The following PARD3B variants were observed in gnomAD, a reference collection of about 807,000 sequenced individuals.
PARD3B encodes par-3 family cell polarity regulator beta.
PARD3B carries 103 observed loss-of-function variants against 130.2 expected under a neutral mutation model. The observed-to-expected ratio is 0.79, with a 90% CI of 0.67 to 0.93. The LOEUF (loss-of-function observed/expected upper bound fraction) is 0.93. Ranked by LOEUF, PARD3B falls within the 40% of genes least tolerant of loss-of-function variation. The probability of loss-of-function intolerance (pLI) is 0.00; values close to 1 mark genes in which losing one functional copy is unlikely to be tolerated. For synonymous variants in PARD3B, 583 were observed against 553.2 expected (o/e 1.05, Z -0.76); for missense variants, 1,609 against 1,499.2 (o/e 1.07, Z -1.21).
chr2:205,415,047 T>C (rs1461303792), intron 19 of PARD3B, among the ~76,000 whole-genome samples: 2 of 152,268 alleles, frequency 1.3e-5, no homozygotes, highest in East Asian at 3.9e-4. Flanking sequence ...AATTTGCTAG[T>C]TGGACTTTTA....
chr2:204,681,468 C>A (rs1010709805), intron 1 of PARD3B, among the ~76,000 whole-genome samples: 1 of 152,168 alleles, frequency 6.6e-6, no homozygotes, highest in Non-Finnish European at 1.5e-5. Flanking sequence ...TGTTCTTCTA[C>A]TAGGCTTTTC....
chr2:204,620,812 G>T (rs1452854321), intron 1 of PARD3B, among the ~76,000 whole-genome samples: 2 of 152,174 alleles, frequency 1.3e-5, no homozygotes, highest in Non-Finnish European at 2.9e-5. Flanking sequence ...AGAAATCTCT[G>T]TTTTGATGAT....
rs116236564 is a variant in PARD3B, at chr2:205,233,031, C to G, written c.2141-12747C>G. ...TCTGGAAACTCAAATTCATGAATCT[C>G]AAATGAACCTCTAAGTACAGACACA... is the stretch of plus-strand genomic sequence containing the variant. On this transcript the variant is annotated intron_variant, in intron 15 of 22. Coordinates refer to ENST00000406610, the MANE Select transcript of PARD3B (RefSeq NM_001302769.2). 6.4e-3 allele frequency among the ~76,000 whole-genome samples: 980 copies of G among 152,188 alleles called. 13 individuals are homozygous for G. Among genetic ancestry groups the G allele is most frequent in the African/African-American group, 0.022 (924 of 41,534 alleles).
chr2:205,079,304 G>C (rs986638326), intron 4 of PARD3B, among the ~76,000 whole-genome samples: 3 of 152,094 alleles, frequency 2.0e-5, no homozygotes, highest in Non-Finnish European at 2.9e-5. Context: ...GCTATACATA[G>C]CAAAATACCC....
At chr2:205,001,667 T>C (rs1007314064) in intron 3 of PARD3B, among the ~76,000 whole-genome samples, 1 of 152,222 alleles carries the variant, frequency 6.6e-6, no homozygotes, top group Non-Finnish European at 1.5e-5. Context: ...TGTTCACTCA[T>C]TGATCAGAAC....
chr2:205,301,409 A>G lies in PARD3B; in HGVS notation c.2393-55A>G, dbSNP rs2041991880. The G allele has an allele frequency of 1.9e-6, 3 of 1,566,552 alleles. No homozygotes were observed. Among genetic ancestry groups the G allele is most frequent in the Non-Finnish European group, 2.6e-6 (3 of 1,162,528 alleles). On this transcript the variant is annotated intron_variant, in intron 17 of 22. Transcript: ENST00000406610. This position sits in a 1 kb window ranked among gnomAD's most constrained non-coding sequence, Gnocchi z 5.2. Reference sequence around the variant, plus strand: ...ATTTTACATGTTAGCGTTTCTCTGTATACTAACTGAGTGTGCCCCTGACCA... The same window carrying G: ...ATTTTACATGTTAGCGTTTCTCTGTGTACTAACTGAGTGTGCCCCTGACCA...
rs1033213881 is a variant in PARD3B at position 205,015,087 on chromosome 2, A to G, written c.395-32494A>G. On this transcript the variant is annotated intron_variant, in intron 3 of 22. Transcript: ENST00000406610. The surrounding 1 kb of genome is among the most constrained non-coding windows in gnomAD (Gnocchi z 4.5). ...CCAAAAAACTTAACTACTAATACCT[A>G]TTGTTGACCAGAAGCCTTACCAATA... Among the ~76,000 whole-genome samples the G allele has an allele frequency of 7.2e-5, 11 of 152,126 alleles. No homozygotes were observed. The highest frequency in any genetic ancestry group is 1.3e-4 in the Non-Finnish European group (9 of 68,030).
rs577756125 is a variant in PARD3B, at chr2:205,465,169, G to A, written c.3044+24497G>A. Among the ~76,000 whole-genome samples, 8 of 152,260 alleles carry A rather than the reference G, an allele frequency of 5.3e-5. No individual in the cohort carries two copies. In the South Asian group the frequency reaches 1.7e-3, roughly 32 times the overall value. On this transcript the variant is annotated intron_variant, in intron 20 of 22. Coordinates refer to ENST00000406610, the MANE Select transcript of PARD3B (RefSeq NM_001302769.2). ...TGTCATATAACTCAGAAGCCAAATT[G>A]CAGTGTTTTGATTTAAAATGAAATC...
chr2:205,395,209 CACTTAT>C (rs201828117), intron 18 of PARD3B, among the ~76,000 whole-genome samples: 1,527 of 152,296 alleles, frequency 0.01, 12 homozygotes, highest in Middle Eastern at 0.024. Context: ...GTTGTACAGA[CACTTAT>C]ACTTACCCAC....
intron 2 of PARD3B, among the ~76,000 whole-genome samples, chr2:204,714,103 G>T (rs761681937): frequency 1.3e-5 from 2 of 151,964 alleles, no homozygotes; most frequent in African/African-American, 4.8e-5. Context: ...TGTGATTCTT[G>T]TCCTGTACTA....
At chr2:204,956,516 T>TTGTG (rs113818336) in intron 2 of PARD3B, among the ~76,000 whole-genome samples, 3,640 of 148,172 alleles carry the variant, frequency 0.025, 108 homozygotes, top group African/African-American at 0.066. Context: ...GAAAAACTAC[T>TTGTG]TGTGTGTGTG....
At chr2:204,616,808 G>A (rs2034129391) in intron 1 of PARD3B, among the ~76,000 whole-genome samples, 1 of 152,124 alleles carries the variant, frequency 6.6e-6, no homozygotes, top group Non-Finnish European at 1.5e-5. Flanking sequence ...TGCGTGTAGT[G>A]GTGTGTGTCT....
rs1299539738 is a variant in PARD3B at position 205,281,778 on chromosome 2, A to C, written c.2186-18752A>C. ...TGAAACTCCTGGGCAGGTTGTCTAC[A>C]TTAAAAGTACCTGTTTTTCCATAAA... On this transcript the variant is annotated intron_variant, in intron 16 of 22. Transcript: ENST00000406610. The surrounding 1 kb of genome is among the most constrained non-coding windows in gnomAD (Gnocchi z 4.2). Among the ~76,000 whole-genome samples the C allele has an allele frequency of 6.6e-6, 1 of 152,220 alleles. No individual in the cohort carries two copies. The highest frequency in any genetic ancestry group is 1.5e-5 in the Non-Finnish European group (1 of 68,026).
chr2:205,245,841 C>G lies in PARD3B; in HGVS notation c.2185+19C>G, dbSNP rs773524857. On this transcript the variant is annotated intron_variant, in intron 16 of 22. Coordinates refer to ENST00000406610, the MANE Select transcript of PARD3B (RefSeq NM_001302769.2). ...AAATCGGGTAAGAAATTCCTTGTAA[C>G]TGACTATATTCCTCTTCCTGGAAAT... is the stretch of plus-strand genomic sequence containing the variant. The G allele has an allele frequency of 1.9e-6, 3 of 1,563,410 alleles. No individual in the cohort carries two copies. The highest frequency in any genetic ancestry group is 2.2e-5 in the South Asian group (2 of 89,672).
intron 20 of PARD3B, among the ~76,000 whole-genome samples, chr2:205,447,576 A>G (rs556710147): frequency 5.3e-5 from 8 of 152,204 alleles, no homozygotes; most frequent in African/African-American, 1.4e-4. Context: ...ACGGGGTTTC[A>G]CCATTTTGGC....
chr2:205,531,850 C>A (rs2051609572), intron 21 of PARD3B, among the ~76,000 whole-genome samples: 1 of 152,174 alleles, frequency 6.6e-6, no homozygotes, highest in Non-Finnish European at 1.5e-5. Flanking sequence ...AAGCTGCTAA[C>A]AGATCATCAG....
chr2:205,387,409 A>G (rs1253922203), intron 18 of PARD3B, among the ~76,000 whole-genome samples: 3 of 151,986 alleles, frequency 2.0e-5, no homozygotes, highest in Admixed American at 2.0e-4. Flanking sequence ...TTTCTTTCTT[A>G]CTGATGCACT....
intron 21 of PARD3B, among the ~76,000 whole-genome samples, chr2:205,510,548 C>G (rs1461306406): frequency 1.3e-5 from 2 of 152,168 alleles, no homozygotes; most frequent in Non-Finnish European, 2.9e-5. Flanking sequence ...CTATTTCCCT[C>G]TCTCCCACAC....
At chr2:204,703,461 A>G (rs1299944872) in intron 2 of PARD3B, among the ~76,000 whole-genome samples, 1 of 152,156 alleles carries the variant, frequency 6.6e-6, no homozygotes, top group Non-Finnish European at 1.5e-5. Context: ...CTGTTACTTT[A>G]TGCTCTTGTA....
Sources: allele counts gnomAD v4.1 joint callset (sites outside exome capture counted in the v4.1 genomes callset), GRCh38; gene constraint gnomAD v4.1.1; non-coding constraint Gnocchi (gnomAD v3.1); transcripts MANE v1.5; gene names NCBI Gene and HGNC (gene_info 2026-07-23, HGNC 2026-07-21).